CLSTN2: variants seen among roughly 807,000 people sequenced by gnomAD.
CLSTN2 encodes the protein calsyntenin 2.
Under a neutral mutation model 101.2 loss-of-function variants are expected in CLSTN2, and 48 were observed. The ratio of observed to expected loss-of-function variants is 0.47; its 90% CI spans 0.38 to 0.60. The LOEUF (loss-of-function observed/expected upper bound fraction) is 0.60, where lower values mean the gene tolerates loss of function less well. CLSTN2 is among the 20% of genes least tolerant of loss of function. The pLI is 0.00. For missense variants in CLSTN2, 1,160 were observed against 1,238.2 expected, an observed-to-expected ratio of 0.94 and a Z score of 0.95; for synonymous variants, 481 against 463.6, an observed-to-expected ratio of 1.04 and a Z score of -0.48.
Position 140,281,316 on chromosome 3 carries a change from T to C in CLSTN2, c.232+105243T>C, listed in dbSNP as rs74992011. ...TGGTGGGAGATAACAGGAAGGAATG[T>C]TCCTGCCCTCAGTGAGCTCATGGAC... is the stretch of plus-strand genomic sequence containing the variant. On this transcript the variant is annotated intron_variant, in intron 2 of 16. Transcript: ENST00000458420. Among the ~76,000 whole-genome samples the C allele has an allele frequency of 9.8e-3, 1,500 of 152,308 alleles. 24 individuals are homozygous for C. Among genetic ancestry groups the C allele is most frequent in the African/African-American group, 0.033 (1,383 of 41,572 alleles).
chr3:140,113,946 C>T (rs974309027), intron 1 of CLSTN2, among the ~76,000 whole-genome samples: 3 of 152,140 alleles, frequency 2.0e-5, no homozygotes, highest in Non-Finnish European at 4.4e-5. Flanking sequence ...GGGAAAGCCA[C>T]CAGCTCTGTG....
At chr3:140,036,722 A>T (rs561296037) in intron 1 of CLSTN2, among the ~76,000 whole-genome samples, 1 of 151,926 alleles carries the variant, frequency 6.6e-6, no homozygotes, top group African/African-American at 2.4e-5. Context: ...GGCATGCTAG[A>T]TCTATCTTTA....
intron 1 of CLSTN2, among the ~76,000 whole-genome samples, chr3:140,163,205 G>T (rs1182019845): frequency 2.6e-5 from 4 of 152,154 alleles, no homozygotes; most frequent in African/African-American, 9.7e-5. Flanking sequence ...TTTAAGTAAA[G>T]GACATTACTC....
rs1985712435 is a variant in CLSTN2 at position 140,575,736 on chromosome 3, A to T, written c.*9483A>T. On this transcript the variant is annotated 3_prime_UTR_variant, in exon 17 of 17. Transcript: ENST00000458420. ...GAGAATGATTTGGTAGGGGTATTCG[A>T]GAAATTTGAGTACAAAATATAAATT... 6.6e-6 allele frequency: 1 copy of T among 152,172 alleles called. No individual in the cohort carries two copies. The highest frequency in any genetic ancestry group is 2.4e-5 in the African/African-American group (1 of 41,440). The allele number at this position is 152,172 out of a possible 1,614,324, so 9.4% of individuals were successfully genotyped here. A position where few individuals can be genotyped will look rare whatever the true frequency, so the allele number is the denominator to read the frequency against.
chr3:139,976,546 G>A (rs937027367), intron 1 of CLSTN2, among the ~76,000 whole-genome samples: 1 of 152,194 alleles, frequency 6.6e-6, no homozygotes, highest in African/African-American at 2.4e-5. Context: ...GTAAGTGGTA[G>A]AGCCAGGATT....
intron 1 of CLSTN2, among the ~76,000 whole-genome samples, chr3:140,025,353 T>C (rs546662357): frequency 6.6e-6 from 1 of 152,304 alleles, no homozygotes; most frequent in East Asian, 1.9e-4. Flanking sequence ...CAGGTGCAGC[T>C]TTGCAAGAGC....
At chr3:140,401,047 C>G (rs548273297) in intron 2 of CLSTN2, among the ~76,000 whole-genome samples, 1 of 152,248 alleles carries the variant, frequency 6.6e-6, no homozygotes, top group African/African-American at 2.4e-5. Context: ...AGACTGCAAG[C>G]GGCTTACAGG....
chr3:140,349,399 G>A (rs2087583120), intron 2 of CLSTN2, among the ~76,000 whole-genome samples: 1 of 152,206 alleles, frequency 6.6e-6, no homozygotes, highest in African/African-American at 2.4e-5. Flanking sequence ...TACTTTTAAA[G>A]TGTGGTAAAG....
intron 1 of CLSTN2, among the ~76,000 whole-genome samples, chr3:140,070,216 G>A (rs1459647816): frequency 6.6e-6 from 1 of 152,138 alleles, no homozygotes; most frequent in African/African-American, 2.4e-5. Flanking sequence ...TCTCATATTT[G>A]GTGCAGAAGA....
At position 140,051,403 on chromosome 3, in the gene CLSTN2, A is replaced by G. The variant is rs138062632; in HGVS notation, c.109+115920A>G. On this transcript the variant is annotated intron_variant, in intron 1 of 16. Coordinates refer to ENST00000458420, the MANE Select transcript of CLSTN2 (RefSeq NM_022131.3). ...CATTGCTGAAACCCTTCCTGCCTTC[A>G]GTCCATTCCCGTTCCATCCTCAGCA... 3.7e-4 allele frequency among the ~76,000 whole-genome samples: 56 copies of G among 152,270 alleles called. No individual in the cohort carries two copies. In the East Asian group the frequency reaches 0.01, roughly 28 times the overall value.
At chr3:139,938,827 A>T (rs955866483) in intron 1 of CLSTN2, among the ~76,000 whole-genome samples, 1 of 152,196 alleles carries the variant, frequency 6.6e-6, no homozygotes, top group Non-Finnish European at 1.5e-5. Flanking sequence ...ATACTCAAGT[A>T]TAGACCATCA....
At chr3:140,427,458 C>A (rs1333583787) in intron 5 of CLSTN2, among the ~76,000 whole-genome samples, 2 of 151,658 alleles carry the variant, frequency 1.3e-5, no homozygotes, top group Non-Finnish European at 2.9e-5. Flanking sequence ...GCTGAAGAGT[C>A]CATTTTAGAG....
At chr3:140,120,158 T>C (rs2350501) in intron 1 of CLSTN2, among the ~76,000 whole-genome samples, 108,494 of 151,914 alleles carry the variant, frequency 0.71, 38,856 homozygotes, top group East Asian at 0.81. Context: ...CAAGAATGCC[T>C]ACCACCACCC....
intron 1 of CLSTN2, among the ~76,000 whole-genome samples, chr3:140,127,042 CATT>C (rs1199972505): frequency 2.0e-5 from 3 of 151,922 alleles, no homozygotes; most frequent in Non-Finnish European, 4.4e-5. Context: ...TATCATGTGT[CATT>C]ATATGTATCA....
chr3:140,192,822 T>G (rs529106009), intron 2 of CLSTN2, among the ~76,000 whole-genome samples: 29 of 152,066 alleles, frequency 1.9e-4, no homozygotes, highest in African/African-American at 6.0e-4. Context: ...ATCTGCCATT[T>G]TATTTTTGTG....
intron 2 of CLSTN2, among the ~76,000 whole-genome samples, chr3:140,364,195 C>T (rs189420265): frequency 8.8e-4 from 134 of 152,192 alleles, no homozygotes; most frequent in Middle Eastern, 3.4e-3. Context: ...GTGAAGCAGA[C>T]AGTCATGGGT....
intron 6 of CLSTN2, chr3:140,453,354 T>G (rs1440487507): frequency 6.6e-6 from 1 of 152,204 alleles, no homozygotes; most frequent in African/African-American, 2.4e-5. Context: ...GCAGTGCGCC[T>G]GACCAGACCC....
intron 1 of CLSTN2, among the ~76,000 whole-genome samples, chr3:139,993,932 G>C (rs890124954): frequency 1.3e-5 from 2 of 152,174 alleles, no homozygotes; most frequent in African/African-American, 4.8e-5. Flanking sequence ...TGGAAGTAGG[G>C]CCAGTCCTTG....
chr3:140,503,509 G>A (rs1043670631), intron 8 of CLSTN2, among the ~76,000 whole-genome samples: 1 of 152,122 alleles, frequency 6.6e-6, no homozygotes, highest in Non-Finnish European at 1.5e-5. Flanking sequence ...TTGTGTGAGT[G>A]CACTCTATGA....
Sources: allele counts gnomAD v4.1 joint callset (sites outside exome capture counted in the v4.1 genomes callset), GRCh38; gene constraint gnomAD v4.1.1; transcripts MANE v1.5; gene names NCBI Gene and HGNC (gene_info 2026-07-23, HGNC 2026-07-21).